Variants in DENND1A observed in about 807,000 individuals in gnomAD.
DENND1A encodes the protein DENN domain containing 1A.
In DENND1A, 51 loss-of-function variants were observed where a neutral mutation model predicts 113.7. The ratio of observed to expected loss-of-function variants is 0.45; its 90% CI spans 0.36 to 0.57. The LOEUF (loss-of-function observed/expected upper bound fraction) is 0.57. Among genes scored for constraint, DENND1A ranks in the 20% least tolerant of loss-of-function variants. The probability of loss-of-function intolerance (pLI) is 0.00; values close to 1 mark genes in which losing one functional copy is unlikely to be tolerated. For missense variants in DENND1A, 1,258 were observed against 1,395.9 expected, an observed-to-expected ratio of 0.90 and a Z score of 1.57; for synonymous variants, 565 against 570.8, an observed-to-expected ratio of 0.99 and a Z score of 0.14.
intron 3 of DENND1A, among the ~76,000 whole-genome samples, chr9:123,774,714 CT>C (rs1830220990): frequency 6.6e-6 from 1 of 152,024 alleles, no homozygotes; most frequent in Non-Finnish European, 1.5e-5. Flanking sequence ...CCCTAGTTTA[CT>C]TTTTATAAAC....
At chr9:123,417,192 C>T (rs1378515234) in intron 19 of DENND1A, among the ~76,000 whole-genome samples, 1 of 152,218 alleles carries the variant, frequency 6.6e-6, no homozygotes, top group African/African-American at 2.4e-5. Context: ...GTTTGATATC[C>T]TGAAGATGAA....
intron 2 of DENND1A, among the ~76,000 whole-genome samples, chr9:123,794,822 T>C (rs775905973): frequency 4.6e-5 from 7 of 151,848 alleles, no homozygotes; most frequent in Non-Finnish European, 8.8e-5. Flanking sequence ...CATGGGAAAA[T>C]TAATGAAAAG....
At chr9:123,675,197 A>C (rs1032041630) in intron 6 of DENND1A, among the ~76,000 whole-genome samples, 1 of 152,162 alleles carries the variant, frequency 6.6e-6, no homozygotes. Flanking sequence ...GAGTAAATCT[A>C]TCTCTAAAAA....
chr9:123,877,695 C>A (rs1049871116), intron 2 of DENND1A, among the ~76,000 whole-genome samples: 1 of 149,224 alleles, frequency 6.7e-6, no homozygotes, highest in African/African-American at 2.5e-5. Flanking sequence ...TGGTGGCGGG[C>A]GCCTGTAATC....
At chr9:123,643,287 A>G (rs1382660618) in intron 9 of DENND1A, among the ~76,000 whole-genome samples, 3 of 152,198 alleles carry the variant, frequency 2.0e-5, no homozygotes, top group African/African-American at 7.2e-5. Flanking sequence ...TCAATGAGAT[A>G]CCATCAGAAA....
chr9:123,702,363 A>C (rs1480503641), intron 5 of DENND1A, among the ~76,000 whole-genome samples: 2 of 152,194 alleles, frequency 1.3e-5, no homozygotes, highest in Admixed American at 6.5e-5. Context: ...AGGGGTAGAG[A>C]AAGATAAAGA....
intron 5 of DENND1A, among the ~76,000 whole-genome samples, chr9:123,723,926 C>T (rs1351964865): frequency 1.3e-5 from 2 of 152,200 alleles, no homozygotes; most frequent in African/African-American, 4.8e-5. Context: ...AACTACATTG[C>T]TTGGTTCATA....
At chr9:123,583,322 C>A in intron 11 of DENND1A, 52 bp from the exon 12 acceptor site, 1 of 1,348,126 alleles carries the variant, frequency 7.4e-7, no homozygotes, top group Non-Finnish European at 1.1e-6. Context: ...GCCATCAAGA[C>A]ACACTTCCCC....
At chr9:123,457,966 T>C in intron 13 of DENND1A, 69 bp from the exon 14 acceptor site, 1 of 1,229,624 alleles carries the variant, frequency 8.1e-7, no homozygotes, top group Non-Finnish European at 1.1e-6. Flanking sequence ...GAAATTCCTA[T>C]TTGCAGAGTT....
At chr9:123,866,327 T>C (rs543536900) in intron 2 of DENND1A, among the ~76,000 whole-genome samples, 4 of 152,342 alleles carry the variant, frequency 2.6e-5, no homozygotes, top group Admixed American at 1.3e-4. Context: ...CACTGGGTTC[T>C]TGTTAAACTG....
intron 10 of DENND1A, among the ~76,000 whole-genome samples, chr9:123,625,769 A>T (rs1489649606): frequency 2.0e-5 from 3 of 152,246 alleles, no homozygotes; most frequent in Non-Finnish European, 2.9e-5. Flanking sequence ...ACAAATATTT[A>T]AAAAATAAAA....
chr9:123,728,501 A>AC (rs1296508105), intron 5 of DENND1A, among the ~76,000 whole-genome samples: 7 of 147,944 alleles, frequency 4.7e-5, no homozygotes, highest in Admixed American at 2.0e-4. Flanking sequence ...AAAAAAAAAA[A>AC]AAAAAAAAAC....
chr9:123,760,403 T>G (rs1449358639), intron 4 of DENND1A, among the ~76,000 whole-genome samples: 1 of 152,184 alleles, frequency 6.6e-6, no homozygotes, highest in African/African-American at 2.4e-5. Context: ...AGGAGACAAC[T>G]CCATCTCTTA....
intron 2 of DENND1A, among the ~76,000 whole-genome samples, chr9:123,850,202 T>C (rs183259075): frequency 2.6e-5 from 4 of 152,320 alleles, no homozygotes; most frequent in Non-Finnish European, 4.4e-5. Context: ...TAATCTTTCG[T>C]GAAAGGAAGA....
At chr9:123,871,909 C>T (rs923331775) in intron 2 of DENND1A, among the ~76,000 whole-genome samples, 2 of 152,200 alleles carry the variant, frequency 1.3e-5, no homozygotes, top group Non-Finnish European at 2.9e-5. Flanking sequence ...CCGCTGCAGG[C>T]TAAGATGCCA....
intron 1 of DENND1A, among the ~76,000 whole-genome samples, chr9:123,901,546 A>C (rs915925756): frequency 1.3e-5 from 2 of 152,194 alleles, no homozygotes; most frequent in Admixed American, 6.5e-5. Context: ...AACCCATATC[A>C]AAGCAATCAT....
intron 2 of DENND1A, among the ~76,000 whole-genome samples, chr9:123,846,374 C>A (rs1379359343): frequency 6.6e-6 from 1 of 152,166 alleles, no homozygotes; most frequent in East Asian, 1.9e-4. Context: ...AGCAGAAATG[C>A]AAACATATAC....
chr9:123,913,337 A>T (rs1338938961), intron 1 of DENND1A, among the ~76,000 whole-genome samples: 1 of 152,134 alleles, frequency 6.6e-6, no homozygotes, highest in Non-Finnish European at 1.5e-5. Flanking sequence ...AAATTAAAGC[A>T]AAATGATCAC....
At chr9:123,445,574 TAAG>T (rs1308775584) in intron 18 of DENND1A, among the ~76,000 whole-genome samples, 10 of 152,274 alleles carry the variant, frequency 6.6e-5, no homozygotes, top group African/African-American at 1.7e-4. Flanking sequence ...ATGTGGGACA[TAAG>T]AAGACAGAGA....
Sources: gnomAD v4.1 joint callset for allele counts (sites outside exome capture counted in the v4.1 genomes callset) on GRCh38, gnomAD v4.1.1 for gene constraint, MANE v1.5 for transcripts, NCBI Gene and HGNC (gene_info 2026-07-23, HGNC 2026-07-21) for gene names.